Variants in GGA2 observed in about 807,000 individuals in gnomAD.
The protein encoded by GGA2 is ADP-ribosylation factor-binding protein GGA2.
GGA2 carries 48 observed loss-of-function variants against 79.5 expected under a neutral mutation model. The ratio of observed to expected loss-of-function variants is 0.60; its 90% confidence interval spans 0.48 to 0.77. The LOEUF is 0.77. GGA2 is among the 30% of genes least tolerant of loss of function. The pLI, the probability that GGA2 is intolerant of heterozygous loss-of-function variation, is 0.00. For synonymous variants in GGA2, 317 were observed against 302.0 expected, an observed-to-expected ratio of 1.05 and a Z score of -0.51; for missense variants, 770 against 774.0, an observed-to-expected ratio of 0.99 and a Z score of 0.06.
At chr16:23,500,693 C>T (rs756013980) in intron 1 of GGA2, among the ~76,000 whole-genome samples, 1 of 152,250 alleles carries the variant, frequency 6.6e-6, no homozygotes, top group African/African-American at 2.4e-5. Flanking sequence ...CGGGTGGAAC[C>T]GCCCTGCAGC....
intron 1 of GGA2, among the ~76,000 whole-genome samples, chr16:23,505,427 G>A (rs1964964412): frequency 6.6e-6 from 1 of 152,140 alleles, no homozygotes; most frequent in South Asian, 2.1e-4. Context: ...ATACAACGGG[G>A]CGTCTAAGGC....
chr16:23,505,310 G>T (rs1964962718), intron 1 of GGA2, among the ~76,000 whole-genome samples: 1 of 152,154 alleles, frequency 6.6e-6, no homozygotes, highest in Non-Finnish European at 1.5e-5. Flanking sequence ...ACCAGAGCTA[G>T]AATTCTAGAG....
intron 1 of GGA2, among the ~76,000 whole-genome samples, chr16:23,505,171 A>G (rs1964961140): frequency 6.6e-6 from 1 of 152,204 alleles, no homozygotes; most frequent in Non-Finnish European, 1.5e-5. Flanking sequence ...AATTCAGCAC[A>G]TGTGAAAACC....
intron 5 of GGA2, among the ~76,000 whole-genome samples, chr16:23,489,189 C>T (rs1322421128): frequency 1.3e-5 from 2 of 152,170 alleles, no homozygotes; most frequent in South Asian, 2.1e-4. Context: ...GGAACTATCA[C>T]CCCCATCGTG....
Position 23,510,444 on chromosome 16 carries a change from C to A in GGA2, c.-33G>T. 1.1e-6 allele frequency: 1 copy of A among 883,594 alleles called. No homozygotes were observed. The highest frequency in any genetic ancestry group is 3.2e-5 in the South Asian group (1 of 31,560). The allele number at this position is 883,594 out of a possible 1,614,324, so 54.7% of individuals were successfully genotyped here. Reference sequence around the variant, plus strand: ...GCCCCGACGCTGCGGCCGCGGGCGCCACTGCCTCTTCAGCCGCTGTAGCGT... The same window carrying A: ...GCCCCGACGCTGCGGCCGCGGGCGCAACTGCCTCTTCAGCCGCTGTAGCGT... On this transcript the variant is annotated 5_prime_UTR_variant, in exon 1 of 17. Transcript: ENST00000309859.
chr16:23,508,658 G>A (rs1238248402), intron 1 of GGA2, among the ~76,000 whole-genome samples: 1 of 151,958 alleles, frequency 6.6e-6, no homozygotes, highest in East Asian at 1.9e-4. Context: ...GGCTCCCCAC[G>A]CTCTCTTTCC....
chr16:23,463,733 G>A lies in GGA2; in HGVS notation c.*3857C>T, dbSNP rs573594130. ...CTCATGCCTGTAATCCCAGCACTTT[G>A]GGAGGTCAAGGCAGGAGGACTGCTT... On this transcript the variant is annotated 3_prime_UTR_variant, in exon 17 of 17. Transcript: ENST00000309859. The A allele has an allele frequency of 3.9e-5, 6 of 152,366 alleles. No individual in the cohort carries two copies. The highest frequency in any genetic ancestry group is 1.2e-4 in the African/African-American group (5 of 41,574). 9.4% of individuals were successfully genotyped at this position (152,366 alleles called of 1,614,324 possible). A position where few individuals can be genotyped will look rare whatever the true frequency, so the allele number is the denominator to read the frequency against.
chr16:23,504,029 C>T (rs969337006), intron 1 of GGA2, among the ~76,000 whole-genome samples: 1 of 149,800 alleles, frequency 6.7e-6, no homozygotes, highest in African/African-American at 2.5e-5. Flanking sequence ...TGCGGTGAGC[C>T]AAGATCGTGC....
chr16:23,466,374 A>T lies in GGA2; in HGVS notation c.*1216T>A, dbSNP rs1964437366. On this transcript the variant is annotated 3_prime_UTR_variant, in exon 17 of 17. Coordinates refer to ENST00000309859, the MANE Select transcript of GGA2 (RefSeq NM_015044.4). ...TAGCACACAGTAGGTGCTAAGTGGG[A>T]ATTGATTATAAACTTGAATTCTTCC... 6.6e-6 allele frequency: 1 copy of T among 152,170 alleles called. No individual in the cohort carries two copies. The highest frequency in any genetic ancestry group is 1.5e-5 in the Non-Finnish European group (1 of 68,034). The allele number at this position is 152,170 out of a possible 1,614,324, so 9.4% of individuals were successfully genotyped here. A position where few individuals can be genotyped will look rare whatever the true frequency, so the allele number is the denominator to read the frequency against.
intron 13 of GGA2, among the ~76,000 whole-genome samples, chr16:23,477,918 T>A (rs1382325146): frequency 6.6e-6 from 1 of 152,150 alleles, no homozygotes; most frequent in South Asian, 2.1e-4. Context: ...CATGAGCCAC[T>A]GCACCTGGCC....
At chr16:23,490,044 C>T (rs917353823) in intron 5 of GGA2, among the ~76,000 whole-genome samples, 5 of 152,290 alleles carry the variant, frequency 3.3e-5, no homozygotes, top group Non-Finnish European at 7.3e-5. Flanking sequence ...TGGCCCTGCC[C>T]GCCACCCTAT....
chr16:23,517,849 T>A (rs1965110979), intron 2 of GGA2, among the ~76,000 whole-genome samples: 1 of 152,172 alleles, frequency 6.6e-6, no homozygotes, highest in Admixed American at 6.5e-5. Context: ...TCTGCCTGCC[T>A]CGGCCTCCCA....
At chr16:23,507,884 G>C (rs56134479) in intron 1 of GGA2, among the ~76,000 whole-genome samples, 1 of 151,706 alleles carries the variant, frequency 6.6e-6, no homozygotes, top group Non-Finnish European at 1.5e-5. Flanking sequence ...CTTGAGCCCA[G>C]GAGAGGGGTA....
intron 8 of GGA2, among the ~76,000 whole-genome samples, chr16:23,483,732 C>T (rs999131767): frequency 6.6e-6 from 1 of 151,888 alleles, no homozygotes; most frequent in Non-Finnish European, 1.5e-5. Context: ...CCGCAACCTC[C>T]GCCTCCTGGG....
rs1964939041 is a variant in GGA2 at position 23,503,204 on chromosome 16, GA to G, written c.91+7116del. On this transcript the variant is annotated intron_variant, in intron 1 of 16. Transcript: ENST00000309859. ...TTGGAATATCCCACTGTCGATTTGCGATTTCCTCCTCCAACCATAGTCTATA... is the reference window on the plus strand; with the variant it reads ...TTGGAATATCCCACTGTCGATTTGCGTTTCCTCCTCCAACCATAGTCTATA... Among the ~76,000 whole-genome samples the G allele has an allele frequency of 2.0e-5, 3 of 152,144 alleles. No individual in the cohort carries two copies. The South Asian group carries it at 6.2e-4, about 32-fold the overall frequency.
intron 1 of GGA2, among the ~76,000 whole-genome samples, chr16:23,496,392 G>A (rs956691837): frequency 1.3e-4 from 19 of 151,868 alleles, no homozygotes; most frequent in Non-Finnish European, 2.1e-4. Flanking sequence ...CCCGGGTGTT[G>A]GCTTCACACT....
rs769357196 is a variant in GGA2 at position 23,491,689 on chromosome 16, G to A, written c.463C>T (p.Leu155=). 1 of 1,612,800 alleles carries A rather than the reference G, an allele frequency of 6.2e-7. No homozygotes were observed. ...DIKIRDAYQM[L]KKQGIIKQDP... ...AGGCAAGTCAGACCTTGTTTCTTCA[G>A]CATCTGATAAGCGTCTCGAATCTTG... is the stretch of plus-strand genomic sequence containing the variant. Residue 155 remains leucine (L), a synonymous_variant, in exon 5 of 17, where the codon CTG becomes TTG. Transcript: ENST00000309859.
At chr16:23,514,784 A>C (rs1190676654), upstream of GGA2, among the ~76,000 whole-genome samples, 1 of 152,058 alleles carries the variant, frequency 6.6e-6, no homozygotes, top group African/African-American at 2.4e-5. Flanking sequence ...GACCCTTTGG[A>C]GAGGTGAGGA....
chr16:23,473,004 G>C (rs1964531570), intron 14 of GGA2, among the ~76,000 whole-genome samples: 1 of 136,514 alleles, frequency 7.3e-6, no homozygotes, highest in African/African-American at 2.7e-5. Context: ...CTACACTCCA[G>C]CCTGGGTGAC....
Sources: gnomAD v4.1 joint callset for allele counts (sites outside exome capture counted in the v4.1 genomes callset) on GRCh38, gnomAD v4.1.1 for gene constraint, MANE v1.5 for transcripts, NCBI Gene and HGNC (gene_info 2026-07-23, HGNC 2026-07-21) for gene names.